Variants in FBXL2 observed in about 807,000 individuals in gnomAD.
FBXL2 encodes the protein F-box and leucine rich repeat protein 2.
FBXL2 carries 38 observed loss-of-function variants against 69.2 expected under a neutral mutation model. That is an observed-to-expected ratio of 0.55 (90% CI 0.42 to 0.72). The LOEUF is 0.72. Among genes scored for constraint, FBXL2 ranks in the 30% least tolerant of loss-of-function variants. The pLI is 0.00. For missense variants in FBXL2, 354 were observed against 520.3 expected, an observed-to-expected ratio of 0.68 and a Z score of 3.11; for synonymous variants, 192 against 201.3, an observed-to-expected ratio of 0.95 and a Z score of 0.39.
chr3:33,383,710 A>G (rs2043212647), intron 13 of FBXL2: 6 of 405,910 alleles, frequency 1.5e-5, no homozygotes, highest in Non-Finnish European at 2.8e-5. Flanking sequence ...TAGCAAACCC[A>G]TAACCAAAGG....
At chr3:33,308,994 A>C (rs1255442815) in intron 2 of FBXL2, among the ~76,000 whole-genome samples, 1 of 152,240 alleles carries the variant, frequency 6.6e-6, no homozygotes, top group South Asian at 2.1e-4. Flanking sequence ...GTGGCCTAAC[A>C]TATGATCTAT....
chr3:33,355,942 G>A (rs536496068), intron 2 of FBXL2, among the ~76,000 whole-genome samples: 9 of 152,276 alleles, frequency 5.9e-5, no homozygotes, highest in African/African-American at 1.9e-4. Flanking sequence ...GTATTGCCAC[G>A]CCTATTTGTG....
chr3:33,386,791 T>C lies in FBXL2; in HGVS notation c.*1183T>C, dbSNP rs1001929239. On this transcript the variant is annotated 3_prime_UTR_variant, in exon 15 of 15. Coordinates refer to ENST00000484457, the MANE Select transcript of FBXL2 (RefSeq NM_012157.5). ...TGCTCCATGCTGTCCATATTTATGA[T>C]CTTTATTAAGAACCTGTCAATCAGT... The C allele has an allele frequency of 2.9e-5, 4 of 139,630 alleles. No homozygotes were observed. The highest frequency in any genetic ancestry group is 6.2e-5 in the Non-Finnish European group (4 of 64,136). 8.6% of individuals were successfully genotyped at this position (139,630 alleles called of 1,614,324 possible).
Position 33,386,345 on chromosome 3 carries a change from T to G in FBXL2, c.*737T>G, listed in dbSNP as rs2043428951. On this transcript the variant is annotated 3_prime_UTR_variant, in exon 15 of 15. Transcript: ENST00000484457. ...GTGTATGCTACAGCACATAACACAT[T>G]TTTACTAAAGGAAAAAAGCTAATTA... 1 of 152,392 alleles carries G rather than the reference T, an allele frequency of 6.6e-6. No homozygotes were observed. Among genetic ancestry groups the G allele is most frequent in the Admixed American group, 6.5e-5 (1 of 15,274 alleles). The allele number at this position is 152,392 out of a possible 1,614,324, so 9.4% of individuals were successfully genotyped here.
chr3:33,344,597 G>A (rs976290867), intron 2 of FBXL2, among the ~76,000 whole-genome samples: 14 of 152,012 alleles, frequency 9.2e-5, no homozygotes, highest in African/African-American at 3.1e-4. Context: ...AACCAAAAAT[G>A]TGGTAAGTAA....
chr3:33,343,573 CTA>C (rs1271337992), intron 2 of FBXL2, among the ~76,000 whole-genome samples: 9 of 152,010 alleles, frequency 5.9e-5, no homozygotes, highest in African/African-American at 2.2e-4. Context: ...ATTTAGGAGT[CTA>C]TGTATCTTTA....
intron 13 of FBXL2, 73 bp from the exon 14 acceptor site, chr3:33,383,916 T>C (rs555671873): frequency 1.4e-6 from 2 of 1,478,186 alleles, no homozygotes; most frequent in African/African-American, 1.4e-5. Context: ...AAGGCTAGCT[T>C]CCAGCTTTTT....
downstream of FBXL2, among the ~76,000 whole-genome samples, chr3:33,405,220 CTA>C (rs1211183960): frequency 7.9e-5 from 12 of 151,854 alleles, no homozygotes; most frequent in East Asian, 7.7e-4. Flanking sequence ...AGGCATAAAA[CTA>C]TGTCATATTA....
intron 2 of FBXL2, among the ~76,000 whole-genome samples, chr3:33,321,075 C>T (rs1029285847): frequency 4.0e-5 from 6 of 151,644 alleles, no homozygotes; most frequent in African/African-American, 9.7e-5. Context: ...TTTGGGAGGC[C>T]GAGGCAGATG....
chr3:33,382,646 T>C (rs1010297400), intron 13 of FBXL2: 43 of 152,250 alleles, frequency 2.8e-4, no homozygotes, highest in African/African-American at 1.0e-3. Context: ...ACAGCCAGTA[T>C]TCCTGTTTTT....
chr3:33,363,144 G>A (rs1054205387), intron 4 of FBXL2, among the ~76,000 whole-genome samples: 10 of 152,080 alleles, frequency 6.6e-5, no homozygotes, highest in African/African-American at 2.2e-4. Context: ...AGGCTCAAGC[G>A]GTTCTCCTAC....
intron 2 of FBXL2, among the ~76,000 whole-genome samples, chr3:33,345,929 C>G (rs2040396765): frequency 6.6e-6 from 1 of 152,096 alleles, no homozygotes; most frequent in Non-Finnish European, 1.5e-5. Flanking sequence ...AAATAAAGAT[C>G]TAAGATTGAG....
chr3:33,328,475 G>C (rs879285680), intron 2 of FBXL2, among the ~76,000 whole-genome samples: 2 of 152,138 alleles, frequency 1.3e-5, no homozygotes, highest in Non-Finnish European at 2.9e-5. Context: ...AACCAAATCT[G>C]TATGGTGCTG....
At chr3:33,413,490 T>C in the FBXL2 span, among the ~76,000 whole-genome samples, 1 of 138,894 alleles carries the variant, frequency 7.2e-6, no homozygotes, top group Non-Finnish European at 1.5e-5. Flanking sequence ...GAGCTTGCAG[T>C]GAGCCAAGTT....
At chr3:33,411,463 CACT>C in the FBXL2 span, 2 of 825,332 alleles carry the variant, frequency 2.4e-6, no homozygotes, top group South Asian at 3.4e-5. Flanking sequence ...TATAGAAAGA[CACT>C]ACAACATAGT....
At position 33,386,815 on chromosome 3, in the gene FBXL2, G is replaced by GTCA; in HGVS notation, c.*1211_*1213dup. ...ATCTTTATTAAGAACCTGTCAATCA[G>GTCA]TCATCACCACCTTCATTGTAAACTT... On this transcript the variant is annotated 3_prime_UTR_variant, in exon 15 of 15. Transcript: ENST00000484457. 1 of 136,528 alleles carries GTCA rather than the reference G, an allele frequency of 7.3e-6. No individual in the cohort carries two copies. The highest frequency in any genetic ancestry group is 2.4e-4 in the South Asian group (1 of 4,252). 8.5% of individuals were successfully genotyped at this position (136,528 alleles called of 1,614,324 possible). A position where few individuals can be genotyped will look rare whatever the true frequency, so the allele number is the denominator to read the frequency against.
intron 12 of FBXL2, chr3:33,393,566 TA>T: frequency 4.1e-6 from 4 of 985,878 alleles, no homozygotes; most frequent in Non-Finnish European, 5.5e-6. Context: ...ACCAAAAAAG[TA>T]AAAAAACATT....
At chr3:33,349,852 G>A (rs2040706560) in intron 2 of FBXL2, among the ~76,000 whole-genome samples, 1 of 152,132 alleles carries the variant, frequency 6.6e-6, no homozygotes, top group African/African-American at 2.4e-5. Context: ...CACACAAAGA[G>A]AAGTAAACTG....
At chr3:33,316,060 A>G (rs1364902150) in intron 2 of FBXL2, among the ~76,000 whole-genome samples, 1 of 143,698 alleles carries the variant, frequency 7.0e-6, no homozygotes, top group Non-Finnish European at 1.5e-5. Flanking sequence ...TGTTTTGCTT[A>G]CTTTTTTTTT....
Sources: gnomAD v4.1 joint callset for allele counts (sites outside exome capture counted in the v4.1 genomes callset) on GRCh38, gnomAD v4.1.1 for gene constraint, MANE v1.5 for transcripts, NCBI Gene and HGNC (gene_info 2026-07-23, HGNC 2026-07-21) for gene names.